Variants in DAGLB observed in about 807,000 individuals in gnomAD.
The protein encoded by DAGLB is diacylglycerol lipase beta.
DAGLB carries 66 observed loss-of-function variants against 72.1 expected under a neutral mutation model. The ratio of observed to expected loss-of-function variants is 0.92; its 90% CI spans 0.75 to 1.12. The LOEUF is 1.12. DAGLB is among the 50% of genes most tolerant of loss of function. The pLI, the probability that DAGLB is intolerant of heterozygous loss-of-function variation, is 0.00. For missense variants in DAGLB, 1,065 were observed against 884.9 expected, an observed-to-expected ratio of 1.20 and a Z score of -2.58; for synonymous variants, 414 against 359.5, an observed-to-expected ratio of 1.15 and a Z score of -1.71.
intron 9 of DAGLB, 55 bp from the exon 10 acceptor site, chr7:6,416,976 C>CAG: frequency 1.3e-6 from 2 of 1,590,480 alleles, no homozygotes; most frequent in Non-Finnish European, 1.7e-6. Flanking sequence ...GCAGGCCCAG[C>CAG]AGAGACTCAA....
At chr7:6,410,500 G>T (rs1448645280) in intron 13 of DAGLB, 120 bp from the exon 14 acceptor site, 3 of 1,420,980 alleles carry the variant, frequency 2.1e-6, no homozygotes, top group Non-Finnish European at 2.8e-6. Flanking sequence ...ACCCCGCTTG[G>T]AAGACTCCAG....
intron 9 of DAGLB, 34 bp from the exon 10 acceptor site, chr7:6,416,955 C>A (rs1238670727): frequency 6.2e-7 from 1 of 1,612,132 alleles, no homozygotes; most frequent in South Asian, 1.1e-5. Context: ...GGCCGTTAAT[C>A]CTCAGACAAG....
chr7:6,417,821 C>T (rs1209599096), intron 9 of DAGLB: 2 of 152,104 alleles, frequency 1.3e-5, no homozygotes, highest in East Asian at 3.8e-4. Context: ...TTAGGGTGGT[C>T]AGGTTTGGCT....
chr7:6,436,790 G>C (rs1269230988), intron 2 of DAGLB, among the ~76,000 whole-genome samples: 1 of 151,936 alleles, frequency 6.6e-6, no homozygotes, highest in Non-Finnish European at 1.5e-5. Flanking sequence ...GTTCTCACTG[G>C]GGTGACAATA....
chr7:6,437,173 T>A (rs868258189), intron 2 of DAGLB, among the ~76,000 whole-genome samples: 4,217 of 131,374 alleles, frequency 0.032, 112 homozygotes, highest in Non-Finnish European at 0.048. Context: ...ATAATAATAA[T>A]AATAATAATA....
rs773427745 is a variant in DAGLB at position 6,436,341 on chromosome 7, AGAG to A, written c.419+18_419+20del. On this transcript the variant is annotated intron_variant, in intron 3 of 14. Transcript: ENST00000297056. ...ATGCCTCAAATCCACTGAAACTCAAAGAGAAGAAGGGAGATGTCACCTGACCAC... is the reference window on the plus strand; with the variant it reads ...ATGCCTCAAATCCACTGAAACTCAAAAAGAAGGGAGATGTCACCTGACCAC... 6.3e-7 allele frequency: 1 copy of A among 1,586,664 alleles called. No homozygotes were observed. Among genetic ancestry groups the A allele is most frequent in the Non-Finnish European group, 8.6e-7 (1 of 1,168,520 alleles).
At chr7:6,434,699 G>A (rs774119152) in intron 4 of DAGLB, 63 bp downstream of exon 4, 4 of 1,602,352 alleles carry the variant, frequency 2.5e-6, no homozygotes, top group East Asian at 2.2e-5. Flanking sequence ...CAGAGGGACC[G>A]GCTCCATCAG....
At chr7:6,419,239 C>T (rs1206591299) in intron 9 of DAGLB, among the ~76,000 whole-genome samples, 1 of 151,972 alleles carries the variant, frequency 6.6e-6, no homozygotes, top group Admixed American at 6.6e-5. Flanking sequence ...CCAGGCTGGT[C>T]TCAAACTCCT....
At position 6,409,586 on chromosome 7, in the gene DAGLB, G is replaced by A; in HGVS notation, c.*251C>T. The A allele has an allele frequency of 3.6e-6, 2 of 548,478 alleles. No homozygotes were observed. Among genetic ancestry groups the A allele is most frequent in the Admixed American group, 3.3e-5 (1 of 30,426 alleles). 34.0% of individuals were successfully genotyped at this position (548,478 alleles called of 1,614,324 possible). On this transcript the variant is annotated 3_prime_UTR_variant, in exon 15 of 15. Transcript: ENST00000297056. ...CCATCCACGGGCCAGGGCTTCCCGA[G>A]GCTGTCTCCACGGTCGCTGGGTCTC...
At chr7:6,424,162 G>A (rs1314372299) in intron 8 of DAGLB, among the ~76,000 whole-genome samples, 3 of 152,178 alleles carry the variant, frequency 2.0e-5, no homozygotes, top group African/African-American at 7.2e-5. Context: ...GGAGGAAACC[G>A]GAATGGAGAG....
At chr7:6,427,119 T>C (rs1784339127) in intron 6 of DAGLB, among the ~76,000 whole-genome samples, 2 of 151,966 alleles carry the variant, frequency 1.3e-5, no homozygotes, top group African/African-American at 4.8e-5. Flanking sequence ...AAAAATACAA[T>C]TAAATTAAAT....
intron 3 of DAGLB, among the ~76,000 whole-genome samples, chr7:6,435,221 C>G (rs1275441937): frequency 6.6e-6 from 1 of 152,274 alleles, no homozygotes; most frequent in South Asian, 2.1e-4. Context: ...GGCATGGTGG[C>G]TCACACCTGT....
At chr7:6,441,992 T>C (rs1299767911) in intron 2 of DAGLB, among the ~76,000 whole-genome samples, 1 of 151,988 alleles carries the variant, frequency 6.6e-6, no homozygotes, top group Non-Finnish European at 1.5e-5. Flanking sequence ...TATGTCAGCT[T>C]GCCCTGCGCT....
intron 6 of DAGLB, among the ~76,000 whole-genome samples, chr7:6,429,936 C>G (rs1300350194): frequency 2.0e-5 from 3 of 151,586 alleles, no homozygotes; most frequent in African/African-American, 7.3e-5. Flanking sequence ...CCCAGTTACT[C>G]GGGAGGCTGA....
At chr7:6,422,668 G>A (rs73057348) in intron 8 of DAGLB, 18,003 of 152,602 alleles carry the variant, frequency 0.12, 1,345 homozygotes, top group South Asian at 0.23. Context: ...CTGATGCGAC[G>A]GTGGAAGCTC....
rs773440503 is a variant in DAGLB at position 6,436,373 on chromosome 7, G to A, written c.408C>T (p.Thr136=). 86 of 1,608,502 alleles carry A rather than the reference G, an allele frequency of 5.3e-5. No individual in the cohort carries two copies. The highest frequency in any genetic ancestry group is 6.1e-5 in the Non-Finnish European group (72 of 1,178,428). ...DRTVVNGIIA[T]VVVSWIIIAA... ...AAGGGAGATGTCACCTGACCACGACGGTTGCGATGATGCCGTTTACAACTG... is the reference window on the plus strand; with the variant it reads ...AAGGGAGATGTCACCTGACCACGACAGTTGCGATGATGCCGTTTACAACTG... The change falls in exon 3 of 15, where the codon ACC becomes ACT. Residue 136 remains threonine, a synonymous_variant. Transcript: ENST00000297056.
rs772830566 is a variant in DAGLB, at chr7:6,434,980, C to G, written c.460G>C (p.Val154Leu). ...IAATVVSIII[V>L]FDPLGGKMAP... ...ATTTTCCCCCCAAGAGGGTCAAAGA[C>G]AATGATAATGGAAACCACTGTGGCA... is the stretch of plus-strand genomic sequence containing the variant. Residue 154 changes from valine (V) to leucine (L), a missense_variant, in exon 4 of 15, where the codon GTC (valine) becomes CTC (leucine). By Grantham distance (32) the Val-to-Leu change is conservative (BLOSUM62 1). Transcript: ENST00000297056. 1.5e-5 allele frequency: 25 copies of G among 1,613,788 alleles called. No individual in the cohort carries two copies. Among genetic ancestry groups the G allele is most frequent in the African/African-American group, 2.7e-5 (2 of 74,874 alleles).
At chr7:6,441,969 C>A (rs773777045) in intron 2 of DAGLB, among the ~76,000 whole-genome samples, 17 of 152,002 alleles carry the variant, frequency 1.1e-4, no homozygotes, top group South Asian at 6.3e-4. Context: ...TCTCCCAGCT[C>A]TCCCCTGCCC....
intron 8 of DAGLB, chr7:6,422,790 G>C (rs1784174632): frequency 6.6e-6 from 1 of 152,202 alleles, no homozygotes; most frequent in African/African-American, 2.4e-5. Flanking sequence ...CAGTACCTGG[G>C]AGACGGGATC....
Sources: gnomAD v4.1 joint callset for allele counts (sites outside exome capture counted in the v4.1 genomes callset) on GRCh38, gnomAD v4.1.1 for gene constraint, MANE v1.5 for transcripts, NCBI Gene and HGNC (gene_info 2026-07-23, HGNC 2026-07-21) for gene names.